Variants in AHNAK observed in about 807,000 individuals in gnomAD.
The protein encoded by AHNAK is neuroblast differentiation-associated protein AHNAK.
A neutral mutation model predicts 37.8 loss-of-function variants in AHNAK; 23 were observed. The ratio of observed to expected loss-of-function variants is 0.61; its 90% CI spans 0.44 to 0.86. The LOEUF (loss-of-function observed/expected upper bound fraction) is 0.86, where lower values mean the gene tolerates loss of function less well. AHNAK is among the 40% of genes least tolerant of loss of function. The pLI, the probability that AHNAK is intolerant of heterozygous loss-of-function variation, is 0.00. For synonymous variants in AHNAK, 2,481 were observed against 2,636.3 expected, an observed-to-expected ratio of 0.94 and a Z score of 1.80; for missense variants, 7,411 against 7,319.4, an observed-to-expected ratio of 1.01 and a Z score of -0.46.
intron 5 of AHNAK, among the ~76,000 whole-genome samples, chr11:62,472,014 A>G (rs934580817): frequency 1.3e-5 from 2 of 151,996 alleles, no homozygotes; most frequent in African/African-American, 4.8e-5. Flanking sequence ...CTCCCCTTGG[A>G]GCCAGGAGGC....
chr11:62,482,829 C>T (rs1254933854), intron 5 of AHNAK, among the ~76,000 whole-genome samples: 1 of 152,116 alleles, frequency 6.6e-6, no homozygotes, highest in Non-Finnish European at 1.5e-5. Context: ...ATCGTAGCAT[C>T]GATAAGCAAT....
chr11:62,478,928 T>G (rs1590615960), intron 5 of AHNAK, among the ~76,000 whole-genome samples: 1 of 151,930 alleles, frequency 6.6e-6, no homozygotes, highest in Non-Finnish European at 1.5e-5. Context: ...CAGGCTGGAG[T>G]ACAGTGGCGC....
intron 1 of AHNAK, among the ~76,000 whole-genome samples, chr11:62,540,045 C>T (rs1309323400): frequency 6.6e-6 from 1 of 152,200 alleles, no homozygotes; most frequent in African/African-American, 2.4e-5. Context: ...TCTTCTCCTC[C>T]CACACAAGTT....
chr11:62,480,627 C>T (rs1201947520), intron 5 of AHNAK, among the ~76,000 whole-genome samples: 1 of 151,330 alleles, frequency 6.6e-6, no homozygotes, highest in Non-Finnish European at 1.5e-5. Flanking sequence ...CGCCATTGCA[C>T]TCCAGCCTGG....
rs1327689829 is a variant in AHNAK at position 62,525,550 on chromosome 11, A to G, written c.8867T>C (p.Met2956Thr). 6.2e-7 allele frequency: 1 copy of G among 1,613,778 alleles called. No homozygotes were observed. The highest frequency in any genetic ancestry group is 1.3e-5 in the African/African-American group (1 of 74,870). Residue 2956 changes from methionine (M) to threonine (T), a missense_variant, in exon 5 of 5, where the codon ATG becomes ACG. Coordinates refer to ENST00000378024, the MANE Select transcript of AHNAK (RefSeq NM_001620.3). ...GGGGATCTTGGGGGCTTTGATATTC[A>G]TCTCTGGCATCTTGAACTTGGGCCC... ...LKGPKFKMPE[M>T]NIKAPKIPMP... is the part of the protein sequence containing the mutation.
At chr11:62,502,051 C>T (rs1186122079) in intron 4 of AHNAK, among the ~76,000 whole-genome samples, 2 of 152,164 alleles carry the variant, frequency 1.3e-5, no homozygotes, top group African/African-American at 4.8e-5. Context: ...GGTGTCTTCT[C>T]CTCTTCCACA....
rs745796706 is a variant in AHNAK at position 62,533,130 on chromosome 11, C to A, written c.1287G>T (p.Leu429=). ...DIDVQGPGSK[L]NVPKMKVPKF... is the part of the protein sequence containing the mutation. ...TGGGGACTTTCATCTTGGGCACATT[C>A]AGTTTGCTCCCAGGCCCCTGAACAT... Residue 429 remains leucine (L), a synonymous_variant, in exon 5 of 5, where the codon CTG becomes CTT. Coordinates refer to ENST00000378024, the MANE Select transcript of AHNAK (RefSeq NM_001620.3). 5.1e-6 allele frequency: 8 copies of A among 1,563,508 alleles called. No individual in the cohort carries two copies. The highest frequency in any genetic ancestry group is 6.9e-6 in the Non-Finnish European group (8 of 1,159,560).
chr11:62,543,194 A>G (rs972882491), intron 1 of AHNAK, among the ~76,000 whole-genome samples: 2 of 152,172 alleles, frequency 1.3e-5, no homozygotes, highest in Admixed American at 6.5e-5. Flanking sequence ...TCAACCTCCC[A>G]AAGGCTTCTG....
intron 5 of AHNAK, among the ~76,000 whole-genome samples, chr11:62,451,563 C>T (rs936811379): frequency 1.3e-5 from 2 of 151,846 alleles, no homozygotes; most frequent in East Asian, 2.0e-4. Flanking sequence ...CATGATAAAA[C>T]CCCGTCTCTA....
chr11:62,460,860 CACCCAGGCTGG>C (rs1475806814), intron 5 of AHNAK, among the ~76,000 whole-genome samples: 1 of 152,138 alleles, frequency 6.6e-6, no homozygotes, highest in Admixed American at 6.5e-5. Flanking sequence ...CTCGCTCTGT[CACCCAGGCTGG>C]AGTGCAGTGG....
Position 62,520,534 on chromosome 11 carries a change from T to C in AHNAK, c.13883A>G (p.Asp4628Gly), listed in dbSNP as rs1468541245. 1 of 1,614,190 alleles carries C rather than the reference T, an allele frequency of 6.2e-7. No homozygotes were observed. Among genetic ancestry groups the C allele is most frequent in the Admixed American group, 1.7e-5 (1 of 60,030 alleles). Residue 4628 changes from aspartate to glycine, a missense_variant, in exon 5 of 5, where the codon GAC becomes GGC. By Grantham distance (94) the Asp-to-Gly change is moderately conservative (BLOSUM62 -1). Transcript: ENST00000378024. ...VEGDLKGPEV[D>G]IRDPKVDIDV... Reference sequence around the variant, plus strand: ...AATGTCCACTTTGGGGTCCCTGATGTCAACTTCGGGGCCCTTGAGGTCGCC... The same window carrying C: ...AATGTCCACTTTGGGGTCCCTGATGCCAACTTCGGGGCCCTTGAGGTCGCC...
chr11:62,526,323 T>A lies in AHNAK; in HGVS notation c.8094A>T (p.Pro2698=), dbSNP rs2134219543. The A allele has an allele frequency of 1.2e-6, 2 of 1,613,740 alleles. No homozygotes were observed. The highest frequency in any genetic ancestry group is 1.1e-5 in the South Asian group (1 of 91,050). ...TCTTGGGGGCTTTGATATTCATCTC[T>A]GGCATCTTGAACTTAGGCCCTTTCA... ...GKLKGPKFKM[P]EMNIKAPKIS... Residue 2698 remains proline (P), a synonymous_variant, in exon 5 of 5, where the codon CCA becomes CCT. Coordinates refer to ENST00000378024, the MANE Select transcript of AHNAK (RefSeq NM_001620.3).
intron 5 of AHNAK, among the ~76,000 whole-genome samples, chr11:62,460,507 C>T (rs902587964): frequency 1.3e-5 from 2 of 152,048 alleles, no homozygotes; most frequent in Non-Finnish European, 2.9e-5. Flanking sequence ...TAGCAGGGGG[C>T]GGCTGGGGTG....
chr11:62,510,064 G>T (rs952052878), intron 4 of AHNAK, among the ~76,000 whole-genome samples: 4 of 151,878 alleles, frequency 2.6e-5, no homozygotes, highest in Non-Finnish European at 4.4e-5. Flanking sequence ...TTGTTTGTTT[G>T]TTTGTTTGTT....
chr11:62,444,028 C>T (rs942547592), intron 5 of AHNAK, among the ~76,000 whole-genome samples: 2 of 152,180 alleles, frequency 1.3e-5, no homozygotes, highest in Non-Finnish European at 2.9e-5. Context: ...CACCGTCCCC[C>T]TCCAATGCAC....
chr11:62,461,296 C>T (rs1317149253), intron 5 of AHNAK, among the ~76,000 whole-genome samples: 1 of 151,650 alleles, frequency 6.6e-6, no homozygotes, highest in Non-Finnish European at 1.5e-5. Context: ...CAGGCATGTG[C>T]CACCACACCC....
At chr11:62,538,845 T>C (rs1452235932) in intron 1 of AHNAK, among the ~76,000 whole-genome samples, 1 of 152,002 alleles carries the variant, frequency 6.6e-6, no homozygotes. Context: ...ATACATGGGG[T>C]CTTGAAGGTG....
At chr11:62,452,161 A>G (rs1281230234) in intron 5 of AHNAK, among the ~76,000 whole-genome samples, 1 of 152,156 alleles carries the variant, frequency 6.6e-6, no homozygotes, top group Non-Finnish European at 1.5e-5. Flanking sequence ...ATCCCACCCC[A>G]AAGAGAGTAA....
Position 62,530,279 on chromosome 11 carries a change from G to A in AHNAK, c.4138C>T (p.Leu1380=). The change falls in exon 5 of 5, where the codon CTG becomes TTG. Residue 1380 remains leucine, a synonymous_variant. Transcript: ENST00000378024. ...DVDVHGPDWH[L]KMPKVKMPKF... Reference sequence around the variant, plus strand: ...GGCATTTTCACCTTGGGCATCTTCAGGTGCCAATCTGGGCCATGAACATCC... The same window carrying A: ...GGCATTTTCACCTTGGGCATCTTCAAGTGCCAATCTGGGCCATGAACATCC... 2 of 1,612,904 alleles carry A rather than the reference G, an allele frequency of 1.2e-6. No individual in the cohort carries two copies. Among genetic ancestry groups the A allele is most frequent in the Non-Finnish European group, 1.7e-6 (2 of 1,179,756 alleles).
Sources: gnomAD v4.1 joint callset for allele counts (sites outside exome capture counted in the v4.1 genomes callset) on GRCh38, gnomAD v4.1.1 for gene constraint, MANE v1.5 for transcripts, NCBI Gene and HGNC (gene_info 2026-07-23, HGNC 2026-07-21) for gene names.